Variants in RARB observed in about 807,000 individuals in gnomAD.
RARB encodes the protein retinoic acid receptor beta, also known as HBV-activated protein.
In RARB, 17 loss-of-function variants were observed where a neutral mutation model predicts 51.9. The observed-to-expected ratio is 0.33, with a 90% CI of 0.22 to 0.49. The LOEUF (loss-of-function observed/expected upper bound fraction) is 0.49, where lower values mean the gene tolerates loss of function less well. Among genes scored for constraint, RARB ranks in the 20% least tolerant of loss-of-function variants. The probability of loss-of-function intolerance (pLI) is 0.99; values close to 1 mark genes in which losing one functional copy is unlikely to be tolerated. For synonymous variants in RARB, 215 were observed against 195.4 expected (o/e 1.10, Z -0.84); for missense variants, 369 against 550.8 (o/e 0.67, Z 3.30).
intron 2 of RARB, among the ~76,000 whole-genome samples, chr3:24,896,675 G>A (rs1703486416): frequency 6.6e-6 from 1 of 152,078 alleles, no homozygotes; most frequent in Non-Finnish European, 1.5e-5. Flanking sequence ...ATTAAATTTT[G>A]TGTTGTATAT....
At chr3:25,172,322 G>A (rs1700661267) in intron 4 of RARB, among the ~76,000 whole-genome samples, 1 of 152,146 alleles carries the variant, frequency 6.6e-6, no homozygotes, top group South Asian at 2.1e-4. Context: ...CAGAGAAGGT[G>A]ATTCAAATTC....
At chr3:25,336,181 G>T (rs998844159) in intron 5 of RARB, among the ~76,000 whole-genome samples, 3 of 151,956 alleles carry the variant, frequency 2.0e-5, no homozygotes, top group African/African-American at 7.2e-5. Flanking sequence ...AAAGACAACT[G>T]GAAGAATATA....
At chr3:25,159,770 G>A (rs1340595758) in intron 4 of RARB, among the ~76,000 whole-genome samples, 1 of 152,126 alleles carries the variant, frequency 6.6e-6, no homozygotes, top group East Asian at 1.9e-4. Context: ...GGAGAAGAAG[G>A]CATTGGGATA....
chr3:24,930,814 G>C (rs60936546), intron 2 of RARB, among the ~76,000 whole-genome samples: 6,766 of 152,144 alleles, frequency 0.044, 183 homozygotes, highest in East Asian at 0.1. Flanking sequence ...TTAGAGACCA[G>C]ACTGGGCAAC....
At chr3:24,997,065 C>T (rs1486212235) in intron 2 of RARB, among the ~76,000 whole-genome samples, 1 of 151,974 alleles carries the variant, frequency 6.6e-6, no homozygotes, top group Admixed American at 6.6e-5. Flanking sequence ...ATTGAGTTCT[C>T]CAGCTATTAT....
chr3:25,070,137 C>G (rs992844), intron 3 of RARB, among the ~76,000 whole-genome samples: 100,069 of 152,024 alleles, frequency 0.66, 33,725 homozygotes, highest in Non-Finnish European at 0.73. Context: ...CTCTATTACT[C>G]CAATCTCTGC....
At chr3:25,352,729 C>T (rs1251027393) in intron 5 of RARB, among the ~76,000 whole-genome samples, 1 of 152,182 alleles carries the variant, frequency 6.6e-6, no homozygotes, top group Admixed American at 6.5e-5. Context: ...AATTTGCAAA[C>T]CTTCTCTTCC....
intron 3 of RARB, among the ~76,000 whole-genome samples, chr3:25,529,558 G>C (rs1698805692): frequency 1.3e-5 from 2 of 152,142 alleles, no homozygotes; most frequent in African/African-American, 4.8e-5. Flanking sequence ...TGATGAAATG[G>C]ACGATGGAGT....
intron 1 of RARB, 51 bp downstream of exon 1, chr3:25,428,939 C>A: frequency 1.3e-6 from 2 of 1,547,312 alleles, no homozygotes; most frequent in Non-Finnish European, 1.8e-6. Context: ...AATTGTCTCT[C>A]TTGCATGCAA....
At chr3:25,474,057 T>C (rs941354494) in intron 2 of RARB, among the ~76,000 whole-genome samples, 1 of 151,994 alleles carries the variant, frequency 6.6e-6, no homozygotes, top group Admixed American at 6.6e-5. Context: ...AATACCATAG[T>C]TTTATAAAGG....
intron 3 of RARB, among the ~76,000 whole-genome samples, chr3:25,116,431 CA>C (rs34050176): frequency 0.64 from 97,481 of 151,380 alleles, 31,682 homozygotes; most frequent in Admixed American, 0.74. Context: ...TTAAAGTTTA[CA>C]AAAAAAACGA....
intron 2 of RARB, among the ~76,000 whole-genome samples, chr3:24,866,976 G>T (rs970190227): frequency 2.0e-5 from 3 of 152,076 alleles, no homozygotes; most frequent in Non-Finnish European, 4.4e-5. Flanking sequence ...TCTTCATTTG[G>T]TGGGGTTACA....
chr3:25,076,689 GAAAAACAAATTTTTTGTTTTGTT>G (rs1256719988), intron 3 of RARB, among the ~76,000 whole-genome samples: 1 of 152,162 alleles, frequency 6.6e-6, no homozygotes, highest in East Asian at 1.9e-4. Context: ...TTTGTTTTGT[GAAAAACAAATTTTTTGTTTTGTT>G]AAAAAGCTTT....
intron 2 of RARB, among the ~76,000 whole-genome samples, chr3:25,007,028 G>A (rs1359267568): frequency 2.6e-5 from 4 of 152,138 alleles, no homozygotes; most frequent in Non-Finnish European, 4.4e-5. Context: ...ATAAGAATGA[G>A]TTGCAGACAG....
chr3:25,447,260 A>G (rs1469031054), intron 1 of RARB, among the ~76,000 whole-genome samples: 1 of 151,592 alleles, frequency 6.6e-6, no homozygotes, highest in Non-Finnish European at 1.5e-5. Context: ...AACTTTTGAT[A>G]TGTACTGGAC....
chr3:25,457,157 G>C (rs964874229), intron 1 of RARB, among the ~76,000 whole-genome samples: 7 of 151,736 alleles, frequency 4.6e-5, no homozygotes, highest in Admixed American at 4.6e-4. Flanking sequence ...AATAGATCTG[G>C]GATACAACTT....
chr3:25,130,284 C>T (rs564862615), intron 3 of RARB, among the ~76,000 whole-genome samples: 5 of 152,154 alleles, frequency 3.3e-5, no homozygotes, highest in African/African-American at 1.2e-4. Flanking sequence ...GCTGCCAAAA[C>T]CCTACTTGTC....
At chr3:25,456,676 T>TAGAGAGAGAGAG (rs1300602454) in intron 1 of RARB, among the ~76,000 whole-genome samples, 1 of 113,780 alleles carries the variant, frequency 8.8e-6, no homozygotes, top group Non-Finnish European at 1.8e-5. Flanking sequence ...TATATATATA[T>TAGAGAGAGAGAG]ATATATAGAG....
intron 3 of RARB, among the ~76,000 whole-genome samples, chr3:25,071,237 A>G (rs1191147146): frequency 6.6e-6 from 1 of 152,242 alleles, no homozygotes; most frequent in East Asian, 1.9e-4. Context: ...AATGTCAGCA[A>G]TTAGCAGGAA....
Sources: gnomAD v4.1 joint callset for allele counts (sites outside exome capture counted in the v4.1 genomes callset) on GRCh38, gnomAD v4.1.1 for gene constraint, MANE v1.5 for transcripts, NCBI Gene and HGNC (gene_info 2026-07-23, HGNC 2026-07-21) for gene names.